Variants in SNTB1 observed in about 807,000 individuals in gnomAD.
SNTB1 encodes syntrophin beta 1, also known as beta-1-syntrophin.
Under a neutral mutation model 48.9 loss-of-function variants are expected in SNTB1, and 36 were observed. That is an observed-to-expected ratio of 0.74 (90% confidence interval 0.56 to 0.97). The LOEUF is 0.97. Among genes scored for constraint, SNTB1 ranks in the 50% least tolerant of loss-of-function variants. The pLI is 0.00. For synonymous variants in SNTB1, 299 were observed against 294.6 expected (o/e 1.01, Z -0.15); for missense variants, 786 against 703.4 (o/e 1.12, Z -1.33).
intron 1 of SNTB1, among the ~76,000 whole-genome samples, chr8:120,781,502 T>A (rs1344506608): frequency 2.0e-5 from 3 of 151,678 alleles, no homozygotes; most frequent in African/African-American, 7.3e-5. Flanking sequence ...GATATTTGAA[T>A]TTAGACTCAC....
chr8:120,578,002 AG>A (rs1208400780), intron 3 of SNTB1, among the ~76,000 whole-genome samples: 1 of 152,080 alleles, frequency 6.6e-6, no homozygotes, highest in African/African-American at 2.4e-5. Flanking sequence ...AACTTTCCAA[AG>A]GGGGGAAAAA....
intron 1 of SNTB1, among the ~76,000 whole-genome samples, chr8:120,721,913 A>G (rs1008159645): frequency 4.8e-5 from 3 of 62,054 alleles, no homozygotes; most frequent in South Asian, 5.6e-4. Flanking sequence ...GACATGCCCC[A>G]GTGTGTGATG....
At chr8:120,592,026 G>A (rs1816246748) in intron 3 of SNTB1, among the ~76,000 whole-genome samples, 1 of 152,088 alleles carries the variant, frequency 6.6e-6, no homozygotes, top group South Asian at 2.1e-4. Flanking sequence ...TATTATGATA[G>A]TCACTAATTA....
At chr8:120,790,549 A>G (rs950809687) in intron 1 of SNTB1, among the ~76,000 whole-genome samples, 2 of 152,084 alleles carry the variant, frequency 1.3e-5, no homozygotes, top group Non-Finnish European at 2.9e-5. Context: ...TCAGGTTACC[A>G]AATCAGTGTA....
chr8:120,764,929 T>A lies in SNTB1; in HGVS notation c.571+46344A>T, dbSNP rs541768011. Among the ~76,000 whole-genome samples the A allele has an allele frequency of 2.8e-4, 42 of 151,616 alleles. 1 individual carries two copies. Among genetic ancestry groups the A allele is most frequent in the Middle Eastern group, 3.4e-3 (1 of 294 alleles). ...GGAGTGGCTATTTTATATTCCAGTT[T>A]AAAAAAAAACTCACAGCTGGGGGCA... is the stretch of plus-strand genomic sequence containing the variant. On this transcript the variant is annotated intron_variant, in intron 1 of 6. Coordinates refer to ENST00000517992, the MANE Select transcript of SNTB1 (RefSeq NM_021021.4).
chr8:120,648,637 T>C (rs992319050), intron 2 of SNTB1, among the ~76,000 whole-genome samples: 16 of 151,902 alleles, frequency 1.1e-4, no homozygotes, highest in African/African-American at 3.9e-4. Flanking sequence ...ATCTGACAAT[T>C]GTGTGTCTTG....
chr8:120,541,741 G>C, intron 6 of SNTB1, 69 bp downstream of exon 6: 1 of 1,154,838 alleles, frequency 8.7e-7, no homozygotes, highest in Non-Finnish European at 1.2e-6. Flanking sequence ...ATAAGAGTAA[G>C]GCAGCATTAT....
intron 1 of SNTB1, among the ~76,000 whole-genome samples, chr8:120,751,178 G>A (rs1409239669): frequency 2.0e-5 from 3 of 152,098 alleles, no homozygotes; most frequent in African/African-American, 7.2e-5. Flanking sequence ...GAGTGAGGAC[G>A]CTAAGTTATC....
intron 1 of SNTB1, among the ~76,000 whole-genome samples, chr8:120,706,009 C>G (rs1455118286): frequency 1.3e-5 from 2 of 152,126 alleles, no homozygotes; most frequent in Non-Finnish European, 2.9e-5. Context: ...ACCTCTGTGC[C>G]TCAGTTTCCT....
intron 3 of SNTB1, among the ~76,000 whole-genome samples, chr8:120,587,169 C>A (rs367694627): frequency 6.6e-6 from 1 of 152,006 alleles, no homozygotes; most frequent in Non-Finnish European, 1.5e-5. Context: ...TGCGGTGAGC[C>A]GAGATCGCAC....
chr8:120,778,860 A>T (rs1218856076), intron 1 of SNTB1, among the ~76,000 whole-genome samples: 1 of 152,238 alleles, frequency 6.6e-6, no homozygotes, highest in East Asian at 1.9e-4. Flanking sequence ...TGACATATTG[A>T]ATAGGATTTC....
At chr8:120,632,119 G>A (rs941555789) in intron 3 of SNTB1, among the ~76,000 whole-genome samples, 17 of 152,154 alleles carry the variant, frequency 1.1e-4, no homozygotes, top group Non-Finnish European at 4.4e-5. Flanking sequence ...CAAGAGCTCT[G>A]TTCTGAGTTT....
At chr8:120,656,281 A>T (rs1372572702) in intron 2 of SNTB1, among the ~76,000 whole-genome samples, 1 of 152,214 alleles carries the variant, frequency 6.6e-6, no homozygotes, top group Non-Finnish European at 1.5e-5. Flanking sequence ...TTTCAAAAAC[A>T]GGTCATGCAT....
chr8:120,811,629 G>A lies in SNTB1; in HGVS notation c.215C>T (p.Ala72Val). The A allele has an allele frequency of 1.3e-6, 2 of 1,592,328 alleles. No homozygotes were observed. The highest frequency in any genetic ancestry group is 1.1e-5 in the South Asian group (1 of 88,746). The stretch of plus-strand genomic sequence containing the variant: ...GCCCGCGCCCGGGTGCCCAGCCCCG[G>A]CGCCCCTGCAGAACGAGCCATTGGT... ...TATNGSFCRG[A>V]GAGHPGAGGA... The change falls in exon 1 of 7, where the codon GCC becomes GTC. Residue 72 changes from alanine to valine, a missense_variant. By Grantham distance (64) the Ala-to-Val change is moderately conservative. Coordinates refer to ENST00000517992, the MANE Select transcript of SNTB1 (RefSeq NM_021021.4).
chr8:120,698,810 G>T (rs1818254731), intron 1 of SNTB1, among the ~76,000 whole-genome samples: 1 of 152,176 alleles, frequency 6.6e-6, no homozygotes, highest in Non-Finnish European at 1.5e-5. Flanking sequence ...TAAAGCAGTG[G>T]CTCTAATTGG....
chr8:120,804,307 A>G (rs1038309591), intron 1 of SNTB1, among the ~76,000 whole-genome samples: 1 of 150,918 alleles, frequency 6.6e-6, no homozygotes. Flanking sequence ...CCTTTCTAAC[A>G]CATTTTAACA....
intron 1 of SNTB1, chr8:120,765,982 T>C (rs1420427488): frequency 6.6e-6 from 1 of 152,180 alleles, no homozygotes; most frequent in African/African-American, 2.4e-5. Context: ...GTAAAGCCAC[T>C]ACAGTTAGAT....
chr8:120,596,552 G>A (rs1164876022), intron 3 of SNTB1, among the ~76,000 whole-genome samples: 1 of 152,138 alleles, frequency 6.6e-6, no homozygotes, highest in Non-Finnish European at 1.5e-5. Flanking sequence ...GGAGGCCCTA[G>A]AGGAGAATCT....
intron 2 of SNTB1, among the ~76,000 whole-genome samples, chr8:120,684,818 C>T (rs1194438123): frequency 2.6e-5 from 4 of 152,008 alleles, no homozygotes; most frequent in East Asian, 3.9e-4. Context: ...CCACACCCAG[C>T]TAATTTTTTG....
Sources: allele counts gnomAD v4.1 joint callset (sites outside exome capture counted in the v4.1 genomes callset), GRCh38; gene constraint gnomAD v4.1.1; transcripts MANE v1.5; gene names NCBI Gene and HGNC (gene_info 2026-07-23, HGNC 2026-07-21).